Variants in CHCHD3 observed in about 807,000 individuals in gnomAD.
CHCHD3 encodes the protein coiled-coil-helix-coiled-coil-helix domain containing 3.
Under a neutral mutation model 38.2 loss-of-function variants are expected in CHCHD3, and 20 were observed. That is an observed-to-expected ratio of 0.52 (90% CI 0.37 to 0.76). CHCHD3 has a LOEUF of 0.76. Ranked by LOEUF, CHCHD3 falls within the 30% of genes least tolerant of loss-of-function variation. The pLI is 0.00. For missense variants in CHCHD3, 245 were observed against 279.2 expected, an observed-to-expected ratio of 0.88 and a Z score of 0.87; for synonymous variants, 82 against 100.0, an observed-to-expected ratio of 0.82 and a Z score of 1.07.
chr7:132,973,467 C>T, intron 4 of CHCHD3: 1 of 985,490 alleles, frequency 1.0e-6, no homozygotes, highest in South Asian at 4.7e-5. Context: ...TTACTCAAAA[C>T]TTACTGTCTT....
At chr7:132,911,139 A>G (rs1375261690) in intron 4 of CHCHD3, among the ~76,000 whole-genome samples, 1 of 152,206 alleles carries the variant, frequency 6.6e-6, no homozygotes, top group African/African-American at 2.4e-5. Flanking sequence ...AACACAGTCC[A>G]GTAGACTCAC....
chr7:133,037,393 T>C (rs907241368), intron 2 of CHCHD3, among the ~76,000 whole-genome samples: 4 of 152,142 alleles, frequency 2.6e-5, no homozygotes, highest in Non-Finnish European at 5.9e-5. Flanking sequence ...TTAAAAAACA[T>C]GCTTTAAACC....
intron 3 of CHCHD3, among the ~76,000 whole-genome samples, chr7:132,993,015 A>G (rs1188028064): frequency 6.6e-6 from 1 of 152,214 alleles, no homozygotes; most frequent in Non-Finnish European, 1.5e-5. Context: ...TTTAGGTGTC[A>G]TTCCATCTTC....
chr7:132,984,274 G>A (rs1215116891), intron 3 of CHCHD3, among the ~76,000 whole-genome samples: 4 of 151,428 alleles, frequency 2.6e-5, no homozygotes, highest in East Asian at 2.0e-4. Flanking sequence ...TGTGTTGGCC[G>A]GGCTGGTCTC....
chr7:133,013,572 G>C (rs997867393), intron 3 of CHCHD3, among the ~76,000 whole-genome samples: 1 of 152,150 alleles, frequency 6.6e-6, no homozygotes, highest in Admixed American at 6.5e-5. Context: ...ATTAGTAGTA[G>C]TAATATTACT....
intron 2 of CHCHD3, among the ~76,000 whole-genome samples, chr7:133,063,922 AC>A (rs969441529): frequency 6.6e-6 from 1 of 151,152 alleles, no homozygotes; most frequent in Non-Finnish European, 1.5e-5. Context: ...TTCTACTCTA[AC>A]CCCCCTCCCA....
chr7:132,868,527 G>A (rs182822958), intron 5 of CHCHD3, among the ~76,000 whole-genome samples: 2 of 152,198 alleles, frequency 1.3e-5, no homozygotes, highest in East Asian at 1.9e-4. Flanking sequence ...GTTTTATAAC[G>A]AAAAGGGCTT....
At chr7:132,927,076 A>G (rs1222718215) in intron 4 of CHCHD3, among the ~76,000 whole-genome samples, 2 of 152,234 alleles carry the variant, frequency 1.3e-5, no homozygotes, top group Non-Finnish European at 2.9e-5. Context: ...GGCTATTGCA[A>G]TGTCTTCATA....
intron 7 of CHCHD3, among the ~76,000 whole-genome samples, chr7:132,792,628 T>C (rs1318109764): frequency 1.3e-5 from 2 of 152,226 alleles, no homozygotes; most frequent in African/African-American, 2.4e-5. Context: ...TGAGTGCGCC[T>C]ATGAACAGGC....
At chr7:132,934,316 C>A (rs565411082) in intron 4 of CHCHD3, among the ~76,000 whole-genome samples, 4 of 152,260 alleles carry the variant, frequency 2.6e-5, no homozygotes, top group South Asian at 4.1e-4. Flanking sequence ...GAGTTACAGG[C>A]CTTTCACAAA....
intron 7 of CHCHD3, among the ~76,000 whole-genome samples, chr7:132,786,441 T>C (rs1806320552): frequency 6.6e-6 from 1 of 152,158 alleles, no homozygotes; most frequent in East Asian, 1.9e-4. Flanking sequence ...GTCCCTACAT[T>C]CTATTTAGTT....
intron 4 of CHCHD3, among the ~76,000 whole-genome samples, chr7:132,971,198 A>C (rs1811604214): frequency 6.6e-6 from 1 of 152,186 alleles, no homozygotes. Flanking sequence ...CTGTCCTTCT[A>C]GTCAGTCTTC....
intron 6 of CHCHD3, among the ~76,000 whole-genome samples, chr7:132,799,013 G>C (rs1252271109): frequency 2.6e-5 from 1 of 38,004 alleles, no homozygotes; most frequent in Non-Finnish European, 5.7e-5. Flanking sequence ...TGTTCTGTGT[G>C]TGTGTGTGTG....
At chr7:132,907,229 T>C (rs1809822803) in intron 4 of CHCHD3, among the ~76,000 whole-genome samples, 1 of 152,202 alleles carries the variant, frequency 6.6e-6, no homozygotes, top group South Asian at 2.1e-4. Flanking sequence ...TCAATGATCA[T>C]AAACCACAAT....
At chr7:132,804,765 G>T (rs1806872646) in intron 6 of CHCHD3, among the ~76,000 whole-genome samples, 1 of 152,168 alleles carries the variant, frequency 6.6e-6, no homozygotes, top group East Asian at 1.9e-4. Flanking sequence ...ATACACACTG[G>T]AAGGACTGTG....
At chr7:132,856,979 C>A (rs938981741) in intron 5 of CHCHD3, among the ~76,000 whole-genome samples, 14 of 152,142 alleles carry the variant, frequency 9.2e-5, no homozygotes, top group African/African-American at 3.1e-4. Flanking sequence ...AAATGAGGGT[C>A]TCTCTGCGAC....
intron 4 of CHCHD3, among the ~76,000 whole-genome samples, chr7:132,899,058 T>C (rs1809596640): frequency 6.6e-6 from 1 of 152,136 alleles, no homozygotes; most frequent in African/African-American, 2.4e-5. Flanking sequence ...GCTCCCACAG[T>C]GCAGCGGTGG....
chr7:132,985,631 A>C, intron 3 of CHCHD3, among the ~76,000 whole-genome samples: 1 of 69,066 alleles, frequency 1.4e-5, no homozygotes, highest in South Asian at 5.5e-4. Context: ...CCTACTGGGA[A>C]GAGAGGAGCC....
At chr7:133,002,984 T>C (rs962036471) in intron 3 of CHCHD3, among the ~76,000 whole-genome samples, 1 of 152,152 alleles carries the variant, frequency 6.6e-6, no homozygotes, top group African/African-American at 2.4e-5. Flanking sequence ...AAATAAAACA[T>C]GTATTTGAAT....
Sources: allele counts gnomAD v4.1 joint callset (sites outside exome capture counted in the v4.1 genomes callset), GRCh38; gene constraint gnomAD v4.1.1; transcripts MANE v1.5; gene names NCBI Gene and HGNC (gene_info 2026-07-23, HGNC 2026-07-21).